The following BMPR1B variants were observed in gnomAD, a reference collection of about 807,000 sequenced individuals.
The protein encoded by BMPR1B is bone morphogenetic protein receptor type-1B.
Under a neutral mutation model 59.1 loss-of-function variants are expected in BMPR1B, and 12 were observed. The ratio of observed to expected loss-of-function variants is 0.20; its 90% CI spans 0.13 to 0.33. The LOEUF is 0.33. Ranked by LOEUF, BMPR1B falls within the 10% of genes least tolerant of loss-of-function variation. BMPR1B has a pLI of 1.00. For missense variants in BMPR1B, 550 were observed against 610.9 expected (o/e 0.90, Z 1.05); for synonymous variants, 237 against 207.3 (o/e 1.14, Z -1.23).
intron 3 of BMPR1B, among the ~76,000 whole-genome samples, chr4:95,054,671 T>A: frequency 6.6e-6 from 1 of 152,162 alleles, no homozygotes; most frequent in East Asian, 1.9e-4. Context: ...TAAACAGTAC[T>A]AAAATATTGA....
chr4:95,055,681 A>G (rs1341445861), intron 3 of BMPR1B, among the ~76,000 whole-genome samples: 1 of 152,200 alleles, frequency 6.6e-6, no homozygotes, highest in Non-Finnish European at 1.5e-5. Context: ...AGTTCTGCTC[A>G]TTAGATTGGA....
At chr4:94,848,112 T>A (rs1725412102) in intron 1 of BMPR1B, among the ~76,000 whole-genome samples, 1 of 152,146 alleles carries the variant, frequency 6.6e-6, no homozygotes, top group African/African-American at 2.4e-5. Flanking sequence ...ATAAGAAATA[T>A]CCAGTTTAAT....
chr4:95,131,115 A>G, intron 9 of BMPR1B, 100 bp from the exon 10 acceptor site: 1 of 1,297,534 alleles, frequency 7.7e-7, no homozygotes, highest in African/African-American at 1.5e-5. Context: ...ATGAAATGCT[A>G]AACAAAAATT....
chr4:94,889,564 G>T (rs1418640070), intron 2 of BMPR1B, among the ~76,000 whole-genome samples: 1 of 152,054 alleles, frequency 6.6e-6, no homozygotes, highest in African/African-American at 2.4e-5. Flanking sequence ...GCTTTGTTTT[G>T]ATATGAGCGG....
intron 3 of BMPR1B, among the ~76,000 whole-genome samples, chr4:95,015,558 T>A (rs982127624): frequency 2.6e-5 from 4 of 152,114 alleles, no homozygotes; most frequent in African/African-American, 7.2e-5. Context: ...ACTCATTTTT[T>A]AATTTTTTTG....
At chr4:94,831,208 G>A (rs1447803179) in intron 1 of BMPR1B, among the ~76,000 whole-genome samples, 2 of 103,764 alleles carry the variant, frequency 1.9e-5, no homozygotes, top group Non-Finnish European at 4.0e-5. Context: ...GTGTGTCCTC[G>A]TTTTTAACAA....
intron 3 of BMPR1B, among the ~76,000 whole-genome samples, chr4:95,020,714 A>G (rs965470745): frequency 2.1e-4 from 32 of 151,998 alleles, no homozygotes; most frequent in African/African-American, 7.3e-4. Context: ...ATTAGTTTTG[A>G]GACACGTTAT....
intron 3 of BMPR1B, among the ~76,000 whole-genome samples, chr4:95,095,792 C>T (rs965972299): frequency 3.9e-5 from 6 of 151,954 alleles, no homozygotes; most frequent in Non-Finnish European, 8.8e-5. Flanking sequence ...AGATTTTTCT[C>T]TCTGCATTTA....
chr4:95,031,660 A>T (rs1226407044), intron 3 of BMPR1B, among the ~76,000 whole-genome samples: 1 of 152,156 alleles, frequency 6.6e-6, no homozygotes, highest in African/African-American at 2.4e-5. Context: ...TGTGACTGCA[A>T]CGTGGATCAT....
chr4:94,945,308 C>T (rs1729666670), intron 2 of BMPR1B, among the ~76,000 whole-genome samples: 1 of 152,088 alleles, frequency 6.6e-6, no homozygotes, highest in African/African-American at 2.4e-5. Flanking sequence ...ACTATTGGTC[C>T]TTGAAGGTAA....
intron 2 of BMPR1B, among the ~76,000 whole-genome samples, chr4:94,957,333 GTTTTTTTTTTTTTT>G (rs56341742): frequency 4.6e-5 from 3 of 65,638 alleles, no homozygotes; most frequent in Admixed American, 2.0e-4. Context: ...CCTGTTTCGT[GTTTTTTTTTTTTTT>G]TTTTTTTTTT....
chr4:94,941,990 T>C (rs1354829537), intron 2 of BMPR1B, among the ~76,000 whole-genome samples: 1 of 152,236 alleles, frequency 6.6e-6, no homozygotes, highest in Non-Finnish European at 1.5e-5. Flanking sequence ...AAAGGAATTA[T>C]CTGGTTACAT....
chr4:94,847,262 T>G (rs1725370086), intron 1 of BMPR1B, among the ~76,000 whole-genome samples: 1 of 152,142 alleles, frequency 6.6e-6, no homozygotes, highest in Non-Finnish European at 1.5e-5. Flanking sequence ...TAAAATGGCT[T>G]TTATCCAAAA....
chr4:94,936,487 T>TG (rs1553919815), intron 2 of BMPR1B, among the ~76,000 whole-genome samples: 20 of 152,096 alleles, frequency 1.3e-4, no homozygotes, highest in African/African-American at 4.8e-4. Context: ...TGACAGGTTT[T>TG]TTGTTGTTGT....
intron 2 of BMPR1B, among the ~76,000 whole-genome samples, chr4:94,899,808 T>C (rs1727735659): frequency 6.6e-6 from 1 of 152,094 alleles, no homozygotes; most frequent in African/African-American, 2.4e-5. Flanking sequence ...AATGGGAATG[T>C]CTGTACTGGA....
chr4:94,899,275 C>G lies in BMPR1B; in HGVS notation c.-113+23375C>G, dbSNP rs1034861575. Among the ~76,000 whole-genome samples, 6 of 151,882 alleles carry G rather than the reference C, an allele frequency of 4.0e-5. 1 individual carries two copies. The highest frequency in any genetic ancestry group is 3.9e-4 in the Admixed American group (6 of 15,216). On this transcript the variant is annotated intron_variant, in intron 2 of 12. Transcript: ENST00000515059. ...CACAAAATCCTTAATCTAATCACAT[C>G]TCCACAAACTCTTTTTTAAAATAAC...
At chr4:95,042,465 T>A (rs1053596179) in intron 3 of BMPR1B, among the ~76,000 whole-genome samples, 5 of 152,164 alleles carry the variant, frequency 3.3e-5, no homozygotes, top group African/African-American at 4.8e-5. Context: ...TCAGACTATG[T>A]CTATAAGGTG....
chr4:95,129,757 TA>T, intron 8 of BMPR1B, 104 bp from the exon 9 acceptor site: 1 of 1,105,634 alleles, frequency 9.0e-7, no homozygotes, highest in Non-Finnish European at 1.3e-6. Context: ...AAATACTAGC[TA>T]AATATATTTT....
chr4:94,953,355 T>G (rs952129405), intron 2 of BMPR1B, among the ~76,000 whole-genome samples: 1 of 152,236 alleles, frequency 6.6e-6, no homozygotes, highest in African/African-American at 2.4e-5. Context: ...CTTCATAGTG[T>G]CGACGGTCTT....
Sources: allele counts gnomAD v4.1 joint callset (sites outside exome capture counted in the v4.1 genomes callset), GRCh38; gene constraint gnomAD v4.1.1; transcripts MANE v1.5; gene names NCBI Gene and HGNC (gene_info 2026-07-23, HGNC 2026-07-21).